The following GLYCTK variants were observed in gnomAD, a reference collection of about 807,000 sequenced individuals.
GLYCTK encodes glycerate kinase, also known as HBeAg binding protein 4.
GLYCTK carries 22 observed loss-of-function variants against 24.8 expected under a neutral mutation model. The ratio of observed to expected loss-of-function variants is 0.89; its 90% CI spans 0.63 to 1.27. The LOEUF (loss-of-function observed/expected upper bound fraction) is 1.27, where lower values mean the gene tolerates loss of function less well. Ranked by LOEUF, GLYCTK falls within the 50% of genes most tolerant of loss-of-function variation. The pLI is 0.00. For missense variants in GLYCTK, 684 were observed against 686.7 expected (o/e 1.00, Z 0.04); for synonymous variants, 320 against 297.2 (o/e 1.08, Z -0.79).
rs767654001 is a variant in GLYCTK, at chr3:52,291,091, T to G, written c.509T>G (p.Leu170Arg). 10 of 1,611,458 alleles carry G rather than the reference T, an allele frequency of 6.2e-6. No homozygotes were observed. In the African/African-American group the frequency reaches 1.2e-4, roughly 19 times the overall value. Residue 170 changes from leucine to arginine, a missense_variant, in exon 3 of 5, where the codon CTG becomes CGG. Physicochemically the swap from Leu to Arg is moderately radical, Grantham distance 102 (BLOSUM62 -2). Coordinates refer to ENST00000436784, the MANE Select transcript of GLYCTK (RefSeq NM_145262.4). ...GCTGAGGGACTCACAGCTGATGACC[T>G]GCTGCTCGTGCTGATCTCAGGTGTG... ...QLAEGLTADD[L>R]LLVLISGGGS...
At chr3:52,291,962 G>A in intron 4 of GLYCTK, 40 bp downstream of exon 4, 1 of 1,584,640 alleles carries the variant, frequency 6.3e-7, no homozygotes, top group Non-Finnish European at 8.6e-7. Flanking sequence ...TGGGTTGGTG[G>A]AGCCAGGCCC....
chr3:52,293,046 GGTGGGGC>G lies in GLYCTK; in HGVS notation c.1493_1499del (p.Gly498AspfsTer8). The G allele has an allele frequency of 6.2e-7, 1 of 1,614,140 alleles. No homozygotes were observed. Among genetic ancestry groups the G allele is most frequent in the Non-Finnish European group, 8.5e-7 (1 of 1,180,024 alleles). Reference sequence around the variant, plus strand: ...ACATACCTTCTTCTGCTGCCTCCAGGGTGGGGCACACCTGCTGCACACAGGGATGACA... The same window carrying G: ...ACATACCTTCTTCTGCTGCCTCCAGGACACCTGCTGCACACAGGGATGACA... On this transcript the variant is annotated frameshift_variant, in exon 5 of 5. Coordinates refer to ENST00000436784, the MANE Select transcript of GLYCTK (RefSeq NM_145262.4). LOFTEE classifies it high-confidence loss of function.
chr3:52,293,138 AC>A lies in GLYCTK; in HGVS notation c.*13del. On this transcript the variant is annotated 3_prime_UTR_variant, in exon 5 of 5. Coordinates refer to ENST00000436784, the MANE Select transcript of GLYCTK (RefSeq NM_145262.4). ...TGCGGCCTCGGTGATGGCATAGGTC[AC>A]ATTTTGGGAGTTCAGAGGAGGCCTA... is the stretch of plus-strand genomic sequence containing the variant. The A allele has an allele frequency of 6.2e-7, 1 of 1,613,094 alleles. No homozygotes were observed. Among genetic ancestry groups the A allele is most frequent in the Non-Finnish European group, 8.5e-7 (1 of 1,180,016 alleles).
intron 3 of GLYCTK, chr3:52,291,346 TG>T: frequency 1.7e-6 from 1 of 604,316 alleles, no homozygotes; most frequent in Non-Finnish European, 2.9e-6. Context: ...AGAGGGTGCA[TG>T]GGGAGCACAT....
Position 52,292,889 on chromosome 3 carries a change from G to T in GLYCTK, c.1335G>T (p.Leu445=). The change falls in exon 5 of 5, where the codon CTG becomes CTT. Residue 445 remains leucine (L), a synonymous_variant. Transcript: ENST00000436784. ...GGCCGCTGGGGCCGATAGATGTGCTGTTTTTGAGCGGTGGCACCGATGGGC... is the reference window on the plus strand; with the variant it reads ...GGCCGCTGGGGCCGATAGATGTGCTTTTTTTGAGCGGTGGCACCGATGGGC... ...RRWPLGPIDV[L]FLSGGTDGQD... 1 of 1,614,114 alleles carries T rather than the reference G, an allele frequency of 6.2e-7. No individual in the cohort carries two copies. Among genetic ancestry groups the T allele is most frequent in the Non-Finnish European group, 8.5e-7 (1 of 1,180,032 alleles).
At chr3:52,291,184 A>C in intron 3 of GLYCTK, 73 bp downstream of exon 3, 1 of 1,566,914 alleles carries the variant, frequency 6.4e-7, no homozygotes, top group South Asian at 1.1e-5. Flanking sequence ...TCGAGAGATC[A>C]GGTCTGAGCC....
rs573421757 is a variant in GLYCTK at position 52,295,113 on chromosome 3, G to A, written c.*1987G>A. The A allele has an allele frequency of 2.9e-5, 13 of 454,086 alleles. No homozygotes were observed. Among genetic ancestry groups the A allele is most frequent in the East Asian group, 2.8e-4 (4 of 14,386 alleles). The allele number at this position is 454,086 out of a possible 1,614,324, so 28.1% of individuals were successfully genotyped here. Reference sequence around the variant, plus strand: ...GCCAAATGGTCTGTGAGCCTAACCCGTTAGATTTGCTCACTGGATACCCCA... The same window carrying A: ...GCCAAATGGTCTGTGAGCCTAACCCATTAGATTTGCTCACTGGATACCCCA... On this transcript the variant is annotated 3_prime_UTR_variant, in exon 5 of 5. Transcript: ENST00000436784.
intron 1 of GLYCTK, among the ~76,000 whole-genome samples, chr3:52,289,898 G>A (rs2153220696): frequency 6.6e-6 from 1 of 152,332 alleles, no homozygotes; most frequent in African/African-American, 2.4e-5. Context: ...GCCAGAAAGG[G>A]GCGTTGCCCC....
rs757777926 is a variant in GLYCTK, at chr3:52,290,407, G to A, written c.65G>A (p.Arg22Gln). Residue 22 changes from arginine (R) to glutamine (Q), a missense_variant, in exon 2 of 5, where the codon CGG (arginine) becomes CAG (glutamine). Arg to Gln is a conservative substitution (Grantham distance 43). Transcript: ENST00000436784. The stretch of plus-strand genomic sequence containing the variant: ...GCCCCCTTGCATCCACTCCTCTGGC[G>A]GGGCTCAGTGGCCCGTCTGGCCAGC... ...ARAPLHPLLW[R>Q]GSVARLASSM... The A allele has an allele frequency of 8.1e-5, 130 of 1,609,292 alleles. No individual in the cohort carries two copies. The highest frequency in any genetic ancestry group is 1.1e-4 in the South Asian group (10 of 91,058).
In GLYCTK at chr3:52,294,234, C is replaced by T. The variant is rs1274114999; in HGVS notation, c.*1108C>T. Reference sequence around the variant, plus strand: ...CTCCGCTGGCTGTCCCCGCCGTGCGCCACGGCTCCAATCCCTATATGAGTG... The same window carrying T: ...CTCCGCTGGCTGTCCCCGCCGTGCGTCACGGCTCCAATCCCTATATGAGTG... On this transcript the variant is annotated 3_prime_UTR_variant, in exon 5 of 5. Transcript: ENST00000436784. The T allele has an allele frequency of 1.9e-6, 1 of 534,752 alleles. No homozygotes were observed. Among genetic ancestry groups the T allele is most frequent in the Non-Finnish European group, 3.8e-6 (1 of 260,076 alleles). The allele number at this position is 534,752 out of a possible 1,614,324, so 33.1% of individuals were successfully genotyped here.
chr3:52,293,905 C>T lies in GLYCTK; in HGVS notation c.*779C>T, dbSNP rs1207209784. 1 of 453,924 alleles carries T rather than the reference C, an allele frequency of 2.2e-6. No homozygotes were observed. The highest frequency in any genetic ancestry group is 4.4e-6 in the Non-Finnish European group (1 of 226,736). The allele number at this position is 453,924 out of a possible 1,614,324, so 28.1% of individuals were successfully genotyped here. A position where few individuals can be genotyped will look rare whatever the true frequency, so the allele number is the denominator to read the frequency against. On this transcript the variant is annotated 3_prime_UTR_variant, in exon 5 of 5. Coordinates refer to ENST00000436784, the MANE Select transcript of GLYCTK (RefSeq NM_145262.4). ...TTGAGCTGAAGTTTGTCCCACCCCC[C>T]AGTGCTGTTTCCTTGTGACAGCCCT...
In GLYCTK at chr3:52,290,505, C is replaced by A; in HGVS notation, c.163C>A (p.Leu55Met). The A allele has an allele frequency of 6.2e-7, 1 of 1,613,470 alleles. No individual in the cohort carries two copies. Among genetic ancestry groups the A allele is most frequent in the South Asian group, 1.1e-5 (1 of 91,086 alleles). Residue 55 changes from leucine (L) to methionine (M), a missense_variant, in exon 2 of 5, where the codon CTG (leucine) becomes ATG (methionine). Physicochemically the swap from Leu to Met is conservative, Grantham distance 15. Transcript: ENST00000436784. ...AGGTGCAGTGCTGCCGGGCCCCATG[C>A]TGCACCGGGCACTATCCTTGGACCC... is the stretch of plus-strand genomic sequence containing the variant. Reference protein sequence around the residue: ...AVGAVLPGPMLHRALSLDPGG... With the variant: ...AVGAVLPGPMMHRALSLDPGG...
intron 1 of GLYCTK, chr3:52,289,199 G>A (rs1415155714): frequency 6.6e-6 from 1 of 152,232 alleles, no homozygotes; most frequent in Non-Finnish European, 1.5e-5. Flanking sequence ...GTCCATACTT[G>A]CTGATGAAGT....
At chr3:52,291,622 C>T (rs1700472142) in intron 3 of GLYCTK, 125 bp from the exon 4 acceptor site, 2 of 877,652 alleles carry the variant, frequency 2.3e-6, no homozygotes, top group Non-Finnish European at 3.6e-6. Flanking sequence ...ATTGCATATC[C>T]ACAGGGGGGC....
rs144605797 is a variant in GLYCTK, at chr3:52,290,667, G to A, written c.325G>A (p.Val109Met). Residue 109 changes from valine (V) to methionine (M), a missense_variant, in exon 2 of 5, where the codon GTG (valine) becomes ATG (methionine). Val to Met is a conservative substitution (Grantham distance 21, BLOSUM62 1). Transcript: ENST00000436784. ...ACTGGGCCAGCATCTTGTGCAGGGC[G>A]TGATCAGCGTTCCCAAGGGGATCCG... ...ELLGQHLVQG[V>M]ISVPKGIRAA... The A allele has an allele frequency of 2.4e-4, 381 of 1,613,646 alleles. No homozygotes were observed. Among genetic ancestry groups the A allele is most frequent in the Non-Finnish European group, 3.0e-4 (352 of 1,179,942 alleles).
At position 52,293,344 on chromosome 3, in the gene GLYCTK, G is replaced by A. The variant is rs1176402389; in HGVS notation, c.*218G>A. 3 of 702,642 alleles carry A rather than the reference G, an allele frequency of 4.3e-6. No homozygotes were observed. Among genetic ancestry groups the A allele is most frequent in the Non-Finnish European group, 7.8e-6 (3 of 387,096 alleles). The allele number at this position is 702,642 out of a possible 1,614,324, so 43.5% of individuals were successfully genotyped here. A position where few individuals can be genotyped will look rare whatever the true frequency, so the allele number is the denominator to read the frequency against. On this transcript the variant is annotated 3_prime_UTR_variant, in exon 5 of 5. Coordinates refer to ENST00000436784, the MANE Select transcript of GLYCTK (RefSeq NM_145262.4). Reference sequence around the variant, plus strand: ...ATGGGGGCTTCCCCCTACCCCTGAGGATGAGGACAAGCCCCTCGGCCAGTT... The same window carrying A: ...ATGGGGGCTTCCCCCTACCCCTGAGAATGAGGACAAGCCCCTCGGCCAGTT...
In GLYCTK at chr3:52,294,845, G is replaced by A. The variant is rs766912276; in HGVS notation, c.*1719G>A. On this transcript the variant is annotated 3_prime_UTR_variant, in exon 5 of 5. Coordinates refer to ENST00000436784, the MANE Select transcript of GLYCTK (RefSeq NM_145262.4). The stretch of plus-strand genomic sequence containing the variant: ...AGGGCCTGGCAGCCATGTCCCCAGT[G>A]TGTGTGTGGGTGGTAGGTGTGTGAG... The A allele has an allele frequency of 4.0e-5, 18 of 453,960 alleles. No homozygotes were observed. Among genetic ancestry groups the A allele is most frequent in the South Asian group, 2.8e-4 (18 of 64,478 alleles). 28.1% of individuals were successfully genotyped at this position (453,960 alleles called of 1,614,324 possible). A position where few individuals can be genotyped will look rare whatever the true frequency, so the allele number is the denominator to read the frequency against.
At position 52,293,419 on chromosome 3, in the gene GLYCTK, C is replaced by G; in HGVS notation, c.*293C>G. 1 of 644,698 alleles carries G rather than the reference C, an allele frequency of 1.6e-6. No homozygotes were observed. The highest frequency in any genetic ancestry group is 3.1e-5 in the East Asian group (1 of 31,934). 39.9% of individuals were successfully genotyped at this position (644,698 alleles called of 1,614,324 possible). On this transcript the variant is annotated 3_prime_UTR_variant, in exon 5 of 5. Coordinates refer to ENST00000436784, the MANE Select transcript of GLYCTK (RefSeq NM_145262.4). Reference sequence around the variant, plus strand: ...GGCAGCCTCTCTCTTGAGCCCCTCACCCTGTTTCTTTCTGTGAAGCGAGAA... The same window carrying G: ...GGCAGCCTCTCTCTTGAGCCCCTCAGCCTGTTTCTTTCTGTGAAGCGAGAA...
intron 1 of GLYCTK, among the ~76,000 whole-genome samples, chr3:52,288,287 A>ACTGCAACCTCCGCCTCC (rs1407661538): frequency 3.9e-5 from 6 of 152,146 alleles, no homozygotes; most frequent in Admixed American, 2.6e-4. Context: ...ATCTCGGCTC[A>ACTGCAACCTCCGCCTCC]CTGCAACCTC....
Sources: allele counts gnomAD v4.1 joint callset (sites outside exome capture counted in the v4.1 genomes callset), GRCh38; gene constraint gnomAD v4.1.1; transcripts MANE v1.5; gene names NCBI Gene and HGNC (gene_info 2026-07-23, HGNC 2026-07-21).